CNOT6L: variants seen among roughly 807,000 people sequenced by gnomAD.
CNOT6L encodes the protein CCR4-NOT transcription complex subunit 6-like.
In CNOT6L, 7 loss-of-function variants were observed where a neutral mutation model predicts 64.0. The ratio of observed to expected loss-of-function variants is 0.11; its 90% CI spans 0.06 to 0.21. The LOEUF (loss-of-function observed/expected upper bound fraction) is 0.21. Ranked by LOEUF, CNOT6L falls within the 10% of genes least tolerant of loss-of-function variation. CNOT6L has a pLI of 1.00. For synonymous variants in CNOT6L, 193 were observed against 243.4 expected, an observed-to-expected ratio of 0.79 and a Z score of 1.93; for missense variants, 245 against 669.0, an observed-to-expected ratio of 0.37 and a Z score of 6.99.
At chr4:77,764,347 G>T (rs953845923) in intron 4 of CNOT6L, among the ~76,000 whole-genome samples, 1 of 151,942 alleles carries the variant, frequency 6.6e-6, no homozygotes, top group Non-Finnish European at 1.5e-5. Flanking sequence ...AATAAAATTA[G>T]ATAAAACATG....
intron 4 of CNOT6L, among the ~76,000 whole-genome samples, chr4:77,757,156 C>T (rs1321507251): frequency 6.6e-6 from 1 of 151,992 alleles, no homozygotes; most frequent in African/African-American, 2.4e-5. Context: ...TTGTCCAAAA[C>T]ATATATACAC....
chr4:77,720,617 G>A lies in CNOT6L; in HGVS notation c.1482C>T (p.Ser494=). ...CACCAAGCACGTTCATATGAGTCTTGGAATAGAAAATGTAGTCAATCACGC... is the reference window on the plus strand; with the variant it reads ...CACCAAGCACGTTCATATGAGTCTTAGAATAGAAAATGTAGTCAATCACGC... ...FKGVIDYIFY[S]KTHMNVLGVL... Residue 494 remains serine (S), a synonymous_variant, in exon 12 of 12, where the codon TCC becomes TCT. Coordinates refer to ENST00000504123, the MANE Select transcript of CNOT6L (RefSeq NM_144571.3). The A allele has an allele frequency of 6.2e-7, 1 of 1,613,228 alleles. No individual in the cohort carries two copies. The highest frequency in any genetic ancestry group is 8.5e-7 in the Non-Finnish European group (1 of 1,179,384).
intron 10 of CNOT6L, 135 bp downstream of exon 10, chr4:77,728,713 CTTCTAT>C: frequency 1.5e-6 from 1 of 670,016 alleles, no homozygotes; most frequent in Non-Finnish European, 2.6e-6. Context: ...ATTAAACTCT[CTTCTAT>C]TACCTTGTGT....
chr4:77,728,219 T>G (rs898909884), intron 10 of CNOT6L, among the ~76,000 whole-genome samples: 2 of 152,222 alleles, frequency 1.3e-5, no homozygotes, highest in African/African-American at 2.4e-5. Flanking sequence ...ATTTAATGAA[T>G]TCACTTAAAA....
At position 77,748,399 on chromosome 4, in the gene CNOT6L, G is replaced by A. The variant is rs1560586556; in HGVS notation, c.491-15C>T. On this transcript the variant is annotated splice_polypyrimidine_tract_variant and intron_variant, in intron 5 of 11. Coordinates refer to ENST00000504123, the MANE Select transcript of CNOT6L (RefSeq NM_144571.3). ...CTCTGGATGAACTGAAAAAAATTTTGTAAATATAGGTTAATTTCATGTGTT... is the reference window on the plus strand; with the variant it reads ...CTCTGGATGAACTGAAAAAAATTTTATAAATATAGGTTAATTTCATGTGTT... 6.5e-7 allele frequency: 1 copy of A among 1,536,832 alleles called. No individual in the cohort carries two copies. The highest frequency in any genetic ancestry group is 9.0e-7 in the Non-Finnish European group (1 of 1,111,166).
At chr4:77,801,571 T>A (rs1029130431) in intron 1 of CNOT6L, among the ~76,000 whole-genome samples, 2 of 151,902 alleles carry the variant, frequency 1.3e-5, no homozygotes, top group East Asian at 3.9e-4. Context: ...TTGATATAAT[T>A]TTCTGAAAAC....
In CNOT6L at chr4:77,717,966, T is replaced by A. The variant is rs1720918953; in HGVS notation, c.*2465A>T. 1.3e-5 allele frequency: 2 copies of A among 152,506 alleles called. No individual in the cohort carries two copies. The highest frequency in any genetic ancestry group is 1.3e-4 in the Admixed American group (2 of 15,256). The allele number at this position is 152,506 out of a possible 1,614,324, so 9.4% of individuals were successfully genotyped here. Reference sequence around the variant, plus strand: ...GCATTTGAAGCAGAGAGAACCCAATTACACACCTTCCTGCAACAGAGTGCC... The same window carrying A: ...GCATTTGAAGCAGAGAGAACCCAATAACACACCTTCCTGCAACAGAGTGCC... On this transcript the variant is annotated 3_prime_UTR_variant, in exon 12 of 12. Transcript: ENST00000504123.
At chr4:77,786,763 C>T (rs1729494601) in intron 1 of CNOT6L, among the ~76,000 whole-genome samples, 1 of 151,828 alleles carries the variant, frequency 6.6e-6, no homozygotes, top group Admixed American at 6.6e-5. Flanking sequence ...AGGTGTGAGC[C>T]AAGGCCTGGC....
intron 1 of CNOT6L, among the ~76,000 whole-genome samples, chr4:77,787,123 CG>C (rs1391924931): frequency 1.3e-5 from 2 of 151,900 alleles, no homozygotes; most frequent in Non-Finnish European, 2.9e-5. Flanking sequence ...AAAAAACAGC[CG>C]GGTGTGGTGG....
chr4:77,809,531 T>C (rs1334277251), intron 1 of CNOT6L, among the ~76,000 whole-genome samples: 7 of 152,184 alleles, frequency 4.6e-5, no homozygotes, highest in Non-Finnish European at 7.4e-5. Context: ...ATGTAGATAT[T>C]GCAGAAGATT....
intron 1 of CNOT6L, among the ~76,000 whole-genome samples, chr4:77,786,060 C>T (rs1729404403): frequency 6.6e-6 from 1 of 152,120 alleles, no homozygotes; most frequent in Admixed American, 6.5e-5. Flanking sequence ...GAGAGTGGAT[C>T]ACCTGAGGTC....
intron 1 of CNOT6L, among the ~76,000 whole-genome samples, chr4:77,779,344 T>G (rs970470466): frequency 5.9e-5 from 9 of 152,140 alleles, no homozygotes; most frequent in Non-Finnish European, 1.5e-5. Context: ...TTCTAAAAAT[T>G]GATACAAAGA....
intron 9 of CNOT6L, among the ~76,000 whole-genome samples, chr4:77,730,081 A>G (rs925090606): frequency 2.0e-5 from 3 of 152,098 alleles, no homozygotes; most frequent in Non-Finnish European, 2.9e-5. Context: ...TATAATTTCT[A>G]TAGAAGCGTC....
intron 1 of CNOT6L, among the ~76,000 whole-genome samples, chr4:77,790,884 A>G (rs1338055386): frequency 6.9e-6 from 1 of 145,130 alleles, no homozygotes; most frequent in Non-Finnish European, 1.5e-5. Context: ...GGTCTCGAAC[A>G]CTCCTGACCT....
intron 1 of CNOT6L, among the ~76,000 whole-genome samples, chr4:77,792,677 G>A (rs909415253): frequency 2.8e-5 from 4 of 142,748 alleles, no homozygotes; most frequent in African/African-American, 1.0e-4. Context: ...AGTAAGCCAA[G>A]ATCGTGCCAT....
At chr4:77,799,569 G>T (rs547053120) in intron 1 of CNOT6L, among the ~76,000 whole-genome samples, 1 of 152,128 alleles carries the variant, frequency 6.6e-6, no homozygotes, top group Admixed American at 6.5e-5. Flanking sequence ...GCTGGGCGTG[G>T]TGGTGGGCGC....
At chr4:77,726,105 CTTT>C in intron 11 of CNOT6L, 59 bp downstream of exon 11, 2 of 1,435,954 alleles carry the variant, frequency 1.4e-6, no homozygotes, top group Non-Finnish European at 2.0e-6. Flanking sequence ...GAATTTACAC[CTTT>C]TTTGTTACAT....
chr4:77,720,682 A>G, intron 11 of CNOT6L, 39 bp from the exon 12 acceptor site: 1 of 1,598,702 alleles, frequency 6.3e-7, no homozygotes, highest in Middle Eastern at 1.7e-4. Context: ...AGAAAAATTC[A>G]AGATATATAA....
intron 1 of CNOT6L, among the ~76,000 whole-genome samples, chr4:77,817,450 G>C (rs982990649): frequency 1.3e-5 from 2 of 152,162 alleles, no homozygotes; most frequent in Non-Finnish European, 2.9e-5. Context: ...CCCATAGTCA[G>C]GGCTGCAGGA....
Sources: gnomAD v4.1 joint callset for allele counts (sites outside exome capture counted in the v4.1 genomes callset) on GRCh38, gnomAD v4.1.1 for gene constraint, MANE v1.5 for transcripts, NCBI Gene and HGNC (gene_info 2026-07-23, HGNC 2026-07-21) for gene names.